The following SEPTIN8 variants were observed in gnomAD, a reference collection of about 807,000 sequenced individuals.
SEPTIN8 encodes septin 8, also known as septin-8.
In SEPTIN8, 22 loss-of-function variants were observed where a neutral mutation model predicts 53.1. That is an observed-to-expected ratio of 0.41 (90% CI 0.30 to 0.59). The LOEUF (loss-of-function observed/expected upper bound fraction) is 0.59. SEPTIN8 is among the 20% of genes least tolerant of loss of function. The probability of loss-of-function intolerance (pLI) is 0.24; values close to 1 mark genes in which losing one functional copy is unlikely to be tolerated. For synonymous variants in SEPTIN8, 228 were observed against 248.4 expected (o/e 0.92, Z 0.77); for missense variants, 536 against 638.7 (o/e 0.84, Z 1.73).
chr5:132,765,617 G>A, intron 1 of SEPTIN8, 88 bp from the exon 2 acceptor site: 2 of 1,434,856 alleles, frequency 1.4e-6, no homozygotes, highest in Non-Finnish European at 1.9e-6. Flanking sequence ...AGTTAAAACA[G>A]TGAAGCAGCC....
At chr5:132,770,073 A>ATATG (rs1561768438) in intron 1 of SEPTIN8, among the ~76,000 whole-genome samples, 1 of 63,482 alleles carries the variant, frequency 1.6e-5, no homozygotes, top group African/African-American at 2.7e-4. Flanking sequence ...GTATATATAT[A>ATATG]TATATATGTA....
At position 132,751,721 on chromosome 5, in the gene SEPTIN8, T is replaced by C. The variant is rs1338084829; in HGVS notation, c.*295A>G. On this transcript the variant is annotated 3_prime_UTR_variant, in exon 10 of 10. Coordinates refer to ENST00000378719, the MANE Select transcript of SEPTIN8 (RefSeq NM_001098811.2). ...TGGAAACATTGTCATCTAGGTACTT[T>C]CCGCTCATAACGATGATGTCACAAA... 3.5e-6 allele frequency: 2 copies of C among 578,940 alleles called. No homozygotes were observed. The highest frequency in any genetic ancestry group is 6.1e-6 in the Non-Finnish European group (2 of 329,152). 35.9% of individuals were successfully genotyped at this position (578,940 alleles called of 1,614,324 possible).
At chr5:132,754,275 C>A in intron 9 of SEPTIN8, 1 of 642,226 alleles carries the variant, frequency 1.6e-6, no homozygotes, top group Non-Finnish European at 2.9e-6. Context: ...TAGTCCAGAA[C>A]CCATTTTACA....
rs576844638 is a variant in SEPTIN8, at chr5:132,777,080, G to A, written c.30+28C>T. ...CCCTCCTGCGCCCCGCGCCTCCCGC[G>A]CGCGCCGTGGCCCAGCGGGGCCCTC... On this transcript the variant is annotated intron_variant, in intron 1 of 9. Transcript: ENST00000378719. This position sits in a 1 kb window ranked among gnomAD's most constrained non-coding sequence, Gnocchi z 4.1. 3.4e-4 allele frequency: 394 copies of A among 1,156,618 alleles called. No individual in the cohort carries two copies. In the African/African-American group the frequency reaches 5.7e-3, roughly 17 times the overall value. 71.6% of individuals were successfully genotyped at this position (1,156,618 alleles called of 1,614,324 possible). A position where few individuals can be genotyped will look rare whatever the true frequency, so the allele number is the denominator to read the frequency against.
chr5:132,777,919 C>T (rs921662730), upstream of SEPTIN8: 2 of 985,474 alleles, frequency 2.0e-6, no homozygotes, highest in Non-Finnish European at 1.2e-6. This position sits in a 1 kb window ranked among gnomAD's most constrained non-coding sequence, Gnocchi z 4.1. Flanking sequence ...CGGAGCTCGA[C>T]GGTCAAGGCG....
chr5:132,776,950 C>G lies in SEPTIN8; in HGVS notation c.30+158G>C, dbSNP rs534465850. 1.7e-3 allele frequency among the ~76,000 whole-genome samples: 260 copies of G among 152,162 alleles called. No homozygotes were observed. The highest frequency in any genetic ancestry group is 5.7e-3 in the African/African-American group (236 of 41,554). ...CCGACGCTCCGGGACCCCCCGATAG[C>G]GCGGCCGAGAGCCCGCGCCGGGGTC... On this transcript the variant is annotated intron_variant, in intron 1 of 9. Transcript: ENST00000378719. The surrounding 1 kb of genome is among the most constrained non-coding windows in gnomAD (Gnocchi z 4.4).
intron 3 of SEPTIN8, 73 bp downstream of exon 3, chr5:132,764,151 G>A (rs944745675): frequency 1.4e-6 from 2 of 1,466,842 alleles, no homozygotes; most frequent in Non-Finnish European, 1.9e-6. Context: ...TGTGAGGGCT[G>A]GGCTACTGTT....
At position 132,773,403 on chromosome 5, in the gene SEPTIN8, G is replaced by A. The variant is rs1382745673; in HGVS notation, c.30+3705C>T. Among the ~76,000 whole-genome samples the A allele has an allele frequency of 6.6e-6, 1 of 152,200 alleles. No individual in the cohort carries two copies. The highest frequency in any genetic ancestry group is 1.5e-5 in the Non-Finnish European group (1 of 68,026). ...ACCATCCTGCAGCTGCTCGCCTCTG[G>A]TAGCTGGACTTGAGCCACAGAGACA... On this transcript the variant is annotated intron_variant, in intron 1 of 9. Coordinates refer to ENST00000378719, the MANE Select transcript of SEPTIN8 (RefSeq NM_001098811.2). The surrounding 1 kb of genome is among the most constrained non-coding windows in gnomAD (Gnocchi z 4.2).
chr5:132,759,657 T>A (rs1755690334), intron 9 of SEPTIN8, among the ~76,000 whole-genome samples: 1 of 151,998 alleles, frequency 6.6e-6, no homozygotes, highest in Non-Finnish European at 1.5e-5. Context: ...GGCATACACA[T>A]CCCCAAATAT....
At chr5:132,754,076 T>C (rs1335450907) in intron 9 of SEPTIN8, 1 of 224,690 alleles carries the variant, frequency 4.5e-6, no homozygotes, top group Non-Finnish European at 8.9e-6. Context: ...TAATTGTCTA[T>C]ATTATAGAGT....
At chr5:132,765,680 G>A (rs1015459801) in intron 1 of SEPTIN8, 151 bp from the exon 2 acceptor site, 18 of 990,170 alleles carry the variant, frequency 1.8e-5, no homozygotes, top group Admixed American at 8.4e-5. Flanking sequence ...GAGTACACCC[G>A]AGCACCAACT....
intron 9 of SEPTIN8, chr5:132,753,759 G>A (rs1409800938): frequency 6.6e-6 from 1 of 152,490 alleles, no homozygotes; most frequent in East Asian, 1.9e-4. Context: ...CTGAGGCCAA[G>A]CCTGCTCCAA....
At chr5:132,777,737 T>G, upstream of SEPTIN8, 11 of 985,476 alleles carry the variant, frequency 1.1e-5, no homozygotes, top group Non-Finnish European at 1.3e-5. The surrounding 1 kb of genome is among the most constrained non-coding windows in gnomAD (Gnocchi z 4.1). Context: ...CAGCCTAGTC[T>G]GCGGGTGTCT....
At chr5:132,764,057 C>G (rs2406409) in intron 3 of SEPTIN8, 165 bp from the exon 4 acceptor site, 2 of 949,704 alleles carry the variant, frequency 2.1e-6, no homozygotes, top group South Asian at 3.4e-5. Context: ...GACCCCTTCT[C>G]CAGACACCTA....
In SEPTIN8 at chr5:132,751,928, G is replaced by A. The variant is rs757697071; in HGVS notation, c.*88C>T. ...TGATCATTGATATAGGAAAAGTATG[G>A]CGTTTTCTGTTCTAACATTAAAAAC... On this transcript the variant is annotated 3_prime_UTR_variant, in exon 10 of 10. Coordinates refer to ENST00000378719, the MANE Select transcript of SEPTIN8 (RefSeq NM_001098811.2). 2 of 1,563,884 alleles carry A rather than the reference G, an allele frequency of 1.3e-6. No individual in the cohort carries two copies. The highest frequency in any genetic ancestry group is 2.3e-5 in the South Asian group (2 of 85,236).
rs759110004 is a variant in SEPTIN8, at chr5:132,761,019, G to T, written c.1096-27C>A. The stretch of plus-strand genomic sequence containing the variant: ...TGGCATCAGAAAGGGGGCAGAAGAT[G>T]CGGGGAGCAAGAGGAGGGCTTGAGC... On this transcript the variant is annotated intron_variant, in intron 8 of 9. Transcript: ENST00000378719. The surrounding 1 kb of genome is among the most constrained non-coding windows in gnomAD (Gnocchi z 5.8). The T allele has an allele frequency of 8.8e-6, 14 of 1,585,452 alleles. No individual in the cohort carries two copies. The highest frequency in any genetic ancestry group is 5.4e-5 in the African/African-American group (4 of 74,400).
At chr5:132,753,235 G>A (rs1159616251) in intron 9 of SEPTIN8, 3 of 450,820 alleles carry the variant, frequency 6.7e-6, no homozygotes, top group African/African-American at 5.8e-5. Flanking sequence ...AAGCCAGGGA[G>A]TATGAATGAA....
intron 9 of SEPTIN8, chr5:132,754,189 C>G: frequency 2.0e-6 from 1 of 510,990 alleles, no homozygotes; most frequent in Admixed American, 3.3e-5. Flanking sequence ...TTATTTTGAG[C>G]TACCATGCAT....
chr5:132,777,113 A>G lies in SEPTIN8; in HGVS notation c.25T>C (p.Phe9Leu). The change falls in exon 1 of 10, where the codon TTC becomes CTC. Residue 9 changes from phenylalanine (F) to leucine (L), a missense_variant. Transcript: ENST00000378719. This position sits in a 1 kb window ranked among gnomAD's most constrained non-coding sequence, Gnocchi z 4.1. ...TGGCCCAGCGGGGCCCTCACCGAGA[A>G]GCGCTCCAGGTCGGTGGCCGCCATG... MAATDLERFSNAEPEPRSL... is the reference protein window; with the variant it reads MAATDLERLSNAEPEPRSL... 5.3e-6 allele frequency: 6 copies of G among 1,135,632 alleles called. No individual in the cohort carries two copies. The highest frequency in any genetic ancestry group is 6.5e-6 in the Non-Finnish European group (6 of 926,972). The allele number at this position is 1,135,632 out of a possible 1,614,324, so 70.3% of individuals were successfully genotyped here.
Sources: gnomAD v4.1 joint callset for allele counts (sites outside exome capture counted in the v4.1 genomes callset) on GRCh38, gnomAD v4.1.1 for gene constraint, Gnocchi (gnomAD v3.1) non-coding constraint, MANE v1.5 for transcripts, NCBI Gene and HGNC (gene_info 2026-07-23, HGNC 2026-07-21) for gene names.